The following ALDOC variants were observed in gnomAD, a reference collection of about 807,000 sequenced individuals.
ALDOC encodes aldolase, fructose-bisphosphate C.
Under a neutral mutation model 39.5 loss-of-function variants are expected in ALDOC, and 23 were observed. The ratio of observed to expected loss-of-function variants is 0.58; its 90% CI spans 0.42 to 0.82. The LOEUF (loss-of-function observed/expected upper bound fraction) is 0.82. Ranked by LOEUF, ALDOC falls within the 40% of genes least tolerant of loss-of-function variation. The pLI is 0.00. For synonymous variants in ALDOC, 160 were observed against 182.6 expected (o/e 0.88, Z 1.00); for missense variants, 356 against 479.1 (o/e 0.74, Z 2.40).
chr17:28,573,323 C>T lies in ALDOC; in HGVS notation c.*203G>A. The T allele has an allele frequency of 1.6e-6, 1 of 609,584 alleles. No homozygotes were observed. Among genetic ancestry groups the T allele is most frequent in the South Asian group, 1.9e-5 (1 of 53,318 alleles). 37.8% of individuals were successfully genotyped at this position (609,584 alleles called of 1,614,324 possible). A position where few individuals can be genotyped will look rare whatever the true frequency, so the allele number is the denominator to read the frequency against. ...TCTGACTTCTAGCAATTTCTTCTGC[C>T]CTCAGTCATGAGGGGCTCCCTATCC... On this transcript the variant is annotated 3_prime_UTR_variant, in exon 9 of 9. Coordinates refer to ENST00000226253, the MANE Select transcript of ALDOC (RefSeq NM_005165.3). The surrounding 1 kb of genome is among the most constrained non-coding windows in gnomAD (Gnocchi z 4.3).
Position 28,574,677 on chromosome 17 carries a change from A to G in ALDOC, c.540+19T>C. 1 of 1,613,836 alleles carries G rather than the reference A, an allele frequency of 6.2e-7. No individual in the cohort carries two copies. Among genetic ancestry groups the G allele is most frequent in the Non-Finnish European group, 8.5e-7 (1 of 1,179,950 alleles). On this transcript the variant is annotated intron_variant, in intron 5 of 8. Transcript: ENST00000226253. The stretch of plus-strand genomic sequence containing the variant: ...AGGCATACAGGGCACCTAGCTCACC[A>G]CCCTCCCAACACACACACCTGCTGG...
chr17:28,575,633 G>C lies in ALDOC; in HGVS notation c.-12-89C>G. On this transcript the variant is annotated intron_variant, in intron 1 of 8. Coordinates refer to ENST00000226253, the MANE Select transcript of ALDOC (RefSeq NM_005165.3). The surrounding 1 kb of genome is among the most constrained non-coding windows in gnomAD (Gnocchi z 4.3). ...GCCAAATGGCCTCCCCATCAAGCAA[G>C]GGGCTGGGAACAGGGCAGCAGTCCT... 1.3e-6 allele frequency: 2 copies of C among 1,488,488 alleles called. No homozygotes were observed. The highest frequency in any genetic ancestry group is 1.8e-6 in the Non-Finnish European group (2 of 1,113,762). The allele number at this position is 1,488,488 out of a possible 1,614,324, so 92.2% of individuals were successfully genotyped here. A position where few individuals can be genotyped will look rare whatever the true frequency, so the allele number is the denominator to read the frequency against.
rs775893117 is a variant in ALDOC, at chr17:28,575,435, G to A, written c.98C>T (p.Ala33Val). The A allele has an allele frequency of 5.0e-6, 8 of 1,614,094 alleles. No homozygotes were observed. In the East Asian group the frequency reaches 6.7e-5, roughly 13 times the overall value. ...TGTCCACTTACCTACAGACTCATCC[G>A]CAGCCAGAATGCCTTTGCCCGGGGC... Reference protein sequence around the residue: ...IVAPGKGILAADESVGSMAKR... With the variant: ...IVAPGKGILAVDESVGSMAKR... Residue 33 changes from alanine (A) to valine (V), a missense_variant, in exon 2 of 9, where the codon GCG becomes GTG. Physicochemically the swap from Ala to Val is moderately conservative, Grantham distance 64. Transcript: ENST00000226253. This position sits in a 1 kb window ranked among gnomAD's most constrained non-coding sequence, Gnocchi z 4.3.
intron 1 of ALDOC, chr17:28,576,243 A>T (rs934447204): frequency 1.3e-5 from 2 of 152,586 alleles, no homozygotes; most frequent in Non-Finnish European, 2.9e-5. Context: ...GGCTAGTGAC[A>T]CCTCCGGGTC....
Position 28,575,702 on chromosome 17 carries a change from G to T in ALDOC, c.-12-158C>A. ...TCAAGTGGCACCAGTCCTTCTGACAGCTAGCAAGCTTAGGGCTCCAGTTCC... is the reference window on the plus strand; with the variant it reads ...TCAAGTGGCACCAGTCCTTCTGACATCTAGCAAGCTTAGGGCTCCAGTTCC... On this transcript the variant is annotated intron_variant, in intron 1 of 8. Coordinates refer to ENST00000226253, the MANE Select transcript of ALDOC (RefSeq NM_005165.3). The surrounding 1 kb of genome is among the most constrained non-coding windows in gnomAD (Gnocchi z 4.3). 1 of 913,162 alleles carries T rather than the reference G, an allele frequency of 1.1e-6. No individual in the cohort carries two copies. The highest frequency in any genetic ancestry group is 1.6e-6 in the Non-Finnish European group (1 of 625,416). The allele number at this position is 913,162 out of a possible 1,614,324, so 56.6% of individuals were successfully genotyped here.
chr17:28,575,681 G>C lies in ALDOC; in HGVS notation c.-12-137C>G. On this transcript the variant is annotated intron_variant, in intron 1 of 8. Coordinates refer to ENST00000226253, the MANE Select transcript of ALDOC (RefSeq NM_005165.3). This position sits in a 1 kb window ranked among gnomAD's most constrained non-coding sequence, Gnocchi z 4.3. The stretch of plus-strand genomic sequence containing the variant: ...CCTTGGCATGAGTCCTGGGCATCAA[G>C]TGGCACCAGTCCTTCTGACAGCTAG... 9.3e-7 allele frequency: 1 copy of C among 1,075,932 alleles called. No homozygotes were observed. The highest frequency in any genetic ancestry group is 1.3e-6 in the Non-Finnish European group (1 of 770,156). The allele number at this position is 1,075,932 out of a possible 1,614,324, so 66.6% of individuals were successfully genotyped here. A position where few individuals can be genotyped will look rare whatever the true frequency, so the allele number is the denominator to read the frequency against.
rs979567837 is a variant in ALDOC, at chr17:28,575,790, G to GT, written c.-12-247dup. 21 of 599,362 alleles carry GT rather than the reference G, an allele frequency of 3.5e-5. No individual in the cohort carries two copies. Among genetic ancestry groups the GT allele is most frequent in the Non-Finnish European group, 4.3e-5 (16 of 369,378 alleles). The allele number at this position is 599,362 out of a possible 1,614,324, so 37.1% of individuals were successfully genotyped here. On this transcript the variant is annotated intron_variant, in intron 1 of 8. Coordinates refer to ENST00000226253, the MANE Select transcript of ALDOC (RefSeq NM_005165.3). The surrounding 1 kb of genome is among the most constrained non-coding windows in gnomAD (Gnocchi z 4.3). ...CCCTGGGGAAAGATGCAGGGTGGGG[G>GT]TGGGGAGGTGAGCAGCCCTGAAGCC... is the stretch of plus-strand genomic sequence containing the variant.
chr17:28,574,693 C>T lies in ALDOC; in HGVS notation c.540+3G>A, dbSNP rs755096574. 1.3e-5 allele frequency: 21 copies of T among 1,614,046 alleles called. No individual in the cohort carries two copies. In the Middle Eastern group the frequency reaches 4.9e-4, roughly 38 times the overall value. On this transcript the variant is annotated splice_donor_region_variant and intron_variant, in intron 5 of 8. Coordinates refer to ENST00000226253, the MANE Select transcript of ALDOC (RefSeq NM_005165.3). ...TAGCTCACCACCCTCCCAACACACA[C>T]ACCTGCTGGCAGATACTGGCATAAC... is the stretch of plus-strand genomic sequence containing the variant.
rs1375010239 is a variant in ALDOC, at chr17:28,575,848, A to G, written c.-12-304T>C. The G allele has an allele frequency of 6.5e-6, 4 of 614,844 alleles. No homozygotes were observed. The highest frequency in any genetic ancestry group is 9.3e-6 in the Non-Finnish European group (4 of 429,862). 38.1% of individuals were successfully genotyped at this position (614,844 alleles called of 1,614,324 possible). A position where few individuals can be genotyped will look rare whatever the true frequency, so the allele number is the denominator to read the frequency against. Reference sequence around the variant, plus strand: ...TTCTGATAAATCTGCTGCCCAATCAAGGATGCCAACCCTTCTTTCACTGAA... The same window carrying G: ...TTCTGATAAATCTGCTGCCCAATCAGGGATGCCAACCCTTCTTTCACTGAA... On this transcript the variant is annotated intron_variant, in intron 1 of 8. Coordinates refer to ENST00000226253, the MANE Select transcript of ALDOC (RefSeq NM_005165.3). This position sits in a 1 kb window ranked among gnomAD's most constrained non-coding sequence, Gnocchi z 4.3.
rs1328970301 is a variant in ALDOC at position 28,575,297 on chromosome 17, T to C, written c.150A>G (p.Glu50=). 3 of 1,614,088 alleles carry C rather than the reference T, an allele frequency of 1.9e-6. No individual in the cohort carries two copies. Among genetic ancestry groups the C allele is most frequent in the African/African-American group, 2.7e-5 (2 of 74,936 alleles). ...MAKRLSQIGV[E]NTEENRRLYR... is the part of the protein sequence containing the mutation. ...ACAGCCGGCGGTTCTCCTCTGTGTT[T>C]TCCACCCCAATTTGGCTCAGCCGCT... The change falls in exon 3 of 9, where the codon GAA becomes GAG. Residue 50 remains glutamate, a synonymous_variant. Coordinates refer to ENST00000226253, the MANE Select transcript of ALDOC (RefSeq NM_005165.3). The surrounding 1 kb of genome is among the most constrained non-coding windows in gnomAD (Gnocchi z 4.3).
rs1387978889 is a variant in ALDOC, at chr17:28,575,356, C to G, written c.113-22G>C. 2.5e-6 allele frequency: 4 copies of G among 1,614,090 alleles called. No homozygotes were observed. Among genetic ancestry groups the G allele is most frequent in the Non-Finnish European group, 3.4e-6 (4 of 1,180,044 alleles). On this transcript the variant is annotated intron_variant, in intron 2 of 8. Coordinates refer to ENST00000226253, the MANE Select transcript of ALDOC (RefSeq NM_005165.3). This position sits in a 1 kb window ranked among gnomAD's most constrained non-coding sequence, Gnocchi z 4.3. ...CTGCCTAGGGGCAAACAAAGAGAGG[C>G]AGTGAGAACATCCCCAGGGTCCCCT...
In ALDOC at chr17:28,575,844, A is replaced by G. The variant is rs1391498144; in HGVS notation, c.-12-300T>C. ...GCTCTTCTGATAAATCTGCTGCCCA[A>G]TCAAGGATGCCAACCCTTCTTTCAC... On this transcript the variant is annotated intron_variant, in intron 1 of 8. Coordinates refer to ENST00000226253, the MANE Select transcript of ALDOC (RefSeq NM_005165.3). The surrounding 1 kb of genome is among the most constrained non-coding windows in gnomAD (Gnocchi z 4.3). The G allele has an allele frequency of 3.3e-6, 2 of 600,678 alleles. No homozygotes were observed. Among genetic ancestry groups the G allele is most frequent in the Non-Finnish European group, 4.8e-6 (2 of 415,374 alleles). The allele number at this position is 600,678 out of a possible 1,614,324, so 37.2% of individuals were successfully genotyped here. A position where few individuals can be genotyped will look rare whatever the true frequency, so the allele number is the denominator to read the frequency against.
At position 28,573,832 on chromosome 17, in the gene ALDOC, G is replaced by A. The variant is rs1352252695; in HGVS notation, c.902C>T (p.Ser301Phe). Residue 301 changes from serine to phenylalanine, a missense_variant, in exon 8 of 9, where the codon TCC (serine) becomes TTC (phenylalanine). By Grantham distance (155) the Ser-to-Phe change is radical. Transcript: ENST00000226253. This position sits in a 1 kb window ranked among gnomAD's most constrained non-coding sequence, Gnocchi z 4.3. ...PLPRPWALTF[S>F]YGRALQASAL... ...AGAGGCTTGCAGGGCACGCCCATAG[G>A]AGAAGGTAAGCGCCCAGGGTCGGGG... 4.3e-6 allele frequency: 7 copies of A among 1,614,118 alleles called. No individual in the cohort carries two copies. The highest frequency in any genetic ancestry group is 4.0e-5 in the African/African-American group (3 of 74,936).
In ALDOC at chr17:28,574,857, C is replaced by T; in HGVS notation, c.380-1G>A. 6.2e-7 allele frequency: 1 copy of T among 1,614,244 alleles called. No individual in the cohort carries two copies. The highest frequency in any genetic ancestry group is 8.5e-7 in the Non-Finnish European group (1 of 1,180,042). ...CAGCGTTCTGAGAGCCCATCCAGCC[C>T]TGCAAGCACAGTGCCAACCTCATTA... is the stretch of plus-strand genomic sequence containing the variant. On this transcript the variant is annotated splice_acceptor_variant, in intron 4 of 8. Coordinates refer to ENST00000226253, the MANE Select transcript of ALDOC (RefSeq NM_005165.3). LOFTEE classifies it high-confidence loss of function.
Position 28,575,957 on chromosome 17 carries a change from G to A in ALDOC, c.-12-413C>T, listed in dbSNP as rs1001818712. The A allele has an allele frequency of 2.9e-6, 3 of 1,023,494 alleles. No individual in the cohort carries two copies. The highest frequency in any genetic ancestry group is 3.5e-6 in the Non-Finnish European group (3 of 851,542). 63.4% of individuals were successfully genotyped at this position (1,023,494 alleles called of 1,614,324 possible). A position where few individuals can be genotyped will look rare whatever the true frequency, so the allele number is the denominator to read the frequency against. On this transcript the variant is annotated intron_variant, in intron 1 of 8. Coordinates refer to ENST00000226253, the MANE Select transcript of ALDOC (RefSeq NM_005165.3). This position sits in a 1 kb window ranked among gnomAD's most constrained non-coding sequence, Gnocchi z 4.3. ...CCTCCACAGGACCCCTAGGGAAAGT[G>A]TACTTACTTCCAAGGCTTCAGAATG... is the stretch of plus-strand genomic sequence containing the variant.
chr17:28,573,683 G>A lies in ALDOC; in HGVS notation c.999+52C>T, dbSNP rs999383072. ...GCCCACAGGTGCCAAGCCCTGCCCA[G>A]GCTATAGCCTCTGGGTGCTGCCCCC... is the stretch of plus-strand genomic sequence containing the variant. On this transcript the variant is annotated intron_variant, in intron 8 of 8. Coordinates refer to ENST00000226253, the MANE Select transcript of ALDOC (RefSeq NM_005165.3). This position sits in a 1 kb window ranked among gnomAD's most constrained non-coding sequence, Gnocchi z 4.3. The A allele has an allele frequency of 9.3e-6, 15 of 1,613,746 alleles. No individual in the cohort carries two copies. Among genetic ancestry groups the A allele is most frequent in the Non-Finnish European group, 1.2e-5 (14 of 1,179,856 alleles).
chr17:28,574,936 C>G lies in ALDOC; in HGVS notation c.379+16G>C. 6.2e-7 allele frequency: 1 copy of G among 1,614,214 alleles called. No homozygotes were observed. The highest frequency in any genetic ancestry group is 8.5e-7 in the Non-Finnish European group (1 of 1,180,040). On this transcript the variant is annotated intron_variant, in intron 4 of 8. Transcript: ENST00000226253. Reference sequence around the variant, plus strand: ...ATCTAACACCTCTTTGGTCCTCAAGCCCACCCATCCTATACCTTGAGTGGT... The same window carrying G: ...ATCTAACACCTCTTTGGTCCTCAAGGCCACCCATCCTATACCTTGAGTGGT...
In ALDOC at chr17:28,574,053, G is replaced by A. The variant is rs775892539; in HGVS notation, c.799+14C>T. On this transcript the variant is annotated intron_variant, in intron 7 of 8. Coordinates refer to ENST00000226253, the MANE Select transcript of ALDOC (RefSeq NM_005165.3). ...GCCTTAGGGATAGGAGCAGGTTAGG[G>A]AGCTGGGTAGTACCTGGGACAGCTG... 29 of 1,595,314 alleles carry A rather than the reference G, an allele frequency of 1.8e-5. No homozygotes were observed. Among genetic ancestry groups the A allele is most frequent in the Non-Finnish European group, 2.5e-5 (29 of 1,169,942 alleles).
chr17:28,574,710 T>C lies in ALDOC; in HGVS notation c.526A>G (p.Ser176Gly). Residue 176 changes from serine (S) to glycine (G), a missense_variant, in exon 5 of 9, where the codon AGT becomes GGT. Ser to Gly is a moderately conservative substitution (Grantham distance 56, BLOSUM62 0). Transcript: ENST00000226253. ...AACACACACACCTGCTGGCAGATAC[T>C]GGCATAACGGGCCAGCACGTTGGCG... ...ENANVLARYA[S>G]ICQQNGIVPI... 1.1e-5 allele frequency: 17 copies of C among 1,614,154 alleles called. No individual in the cohort carries two copies. The highest frequency in any genetic ancestry group is 1.4e-5 in the Non-Finnish European group (17 of 1,180,008).
Sources: allele counts gnomAD v4.1 joint callset, GRCh38; gene constraint gnomAD v4.1.1; non-coding constraint Gnocchi (gnomAD v3.1); transcripts MANE v1.5; gene names NCBI Gene and HGNC (gene_info 2026-07-23, HGNC 2026-07-21).